The following BAIAP2L1 variants were observed in gnomAD, a reference collection of about 807,000 sequenced individuals.
BAIAP2L1 encodes the protein BAR/IMD domain-containing adapter protein 2-like 1.
Under a neutral mutation model 66.3 loss-of-function variants are expected in BAIAP2L1, and 35 were observed. That is an observed-to-expected ratio of 0.53 (90% CI 0.40 to 0.70). The LOEUF is 0.70. Among genes scored for constraint, BAIAP2L1 ranks in the 30% least tolerant of loss-of-function variants. BAIAP2L1 has a pLI of 0.00. For synonymous variants in BAIAP2L1, 269 were observed against 248.7 expected (o/e 1.08, Z -0.77); for missense variants, 622 against 656.9 (o/e 0.95, Z 0.58).
At chr7:98,316,886 T>TG (rs927758595) in intron 6 of BAIAP2L1, among the ~76,000 whole-genome samples, 9 of 151,660 alleles carry the variant, frequency 5.9e-5, no homozygotes, top group Non-Finnish European at 1.3e-4. Context: ...TTTTTTGAGA[T>TG]GGAGTCTCAT....
intron 1 of BAIAP2L1, among the ~76,000 whole-genome samples, chr7:98,392,326 A>G (rs1024695930): frequency 2.0e-5 from 3 of 152,050 alleles, no homozygotes; most frequent in Non-Finnish European, 4.4e-5. Flanking sequence ...GCCTGGGCGA[A>G]CAAGAGTGAA....
intron 1 of BAIAP2L1, among the ~76,000 whole-genome samples, chr7:98,381,648 ATAT>A (rs1255459830): frequency 2.0e-5 from 3 of 152,200 alleles, no homozygotes; most frequent in African/African-American, 7.2e-5. Flanking sequence ...TTCTTCTGAT[ATAT>A]TACTAGACGC....
At chr7:98,312,664 C>G (rs760573403) in intron 7 of BAIAP2L1, among the ~76,000 whole-genome samples, 1 of 152,210 alleles carries the variant, frequency 6.6e-6, no homozygotes, top group African/African-American at 2.4e-5. Flanking sequence ...ACCTCCAACA[C>G]AGGCCACGGG....
Position 98,293,461 on chromosome 7 carries a change from T to G in BAIAP2L1, c.*60A>C. 2 of 1,488,346 alleles carry G rather than the reference T, an allele frequency of 1.3e-6. No homozygotes were observed. Among genetic ancestry groups the G allele is most frequent in the Non-Finnish European group, 1.9e-6 (2 of 1,068,146 alleles). The allele number at this position is 1,488,346 out of a possible 1,614,324, so 92.2% of individuals were successfully genotyped here. ...GACCGTCAGCACGTGGCAGACAGGA[T>G]GCGCCCATCATTCCGCAAGGGAGAA... is the stretch of plus-strand genomic sequence containing the variant. On this transcript the variant is annotated 3_prime_UTR_variant, in exon 14 of 14. Transcript: ENST00000005260.
intron 2 of BAIAP2L1, 64 bp downstream of exon 2, chr7:98,362,293 T>C: frequency 7.8e-7 from 1 of 1,283,756 alleles, no homozygotes; most frequent in Non-Finnish European, 1.1e-6. Flanking sequence ...TACTAAGCAT[T>C]TAAAAATAAT....
At chr7:98,299,911 T>G (rs770449955) in intron 12 of BAIAP2L1, among the ~76,000 whole-genome samples, 15 of 151,996 alleles carry the variant, frequency 9.9e-5, no homozygotes, top group Non-Finnish European at 1.9e-4. Flanking sequence ...TGTGGTGGCA[T>G]GCACCTGTAG....
Position 98,300,040 on chromosome 7 carries a change from CATAA to C in BAIAP2L1, c.1422+4152_1422+4155del, listed in dbSNP as rs771925010. Reference sequence around the variant, plus strand: ...TGGGCGACAGAGCAAGACTCCGTCTCATAAATAAATAAATAAACAAACAAACAAA... The same window carrying C: ...TGGGCGACAGAGCAAGACTCCGTCTCATAAATAAATAAACAAACAAACAAA... On this transcript the variant is annotated intron_variant, in intron 12 of 13. Coordinates refer to ENST00000005260, the MANE Select transcript of BAIAP2L1 (RefSeq NM_018842.5). 4.9e-4 allele frequency among the ~76,000 whole-genome samples: 75 copies of C among 152,256 alleles called. 1 individual carries two copies. In the Middle Eastern group the frequency reaches 0.014, roughly 28 times the overall value.
At chr7:98,350,571 A>C (rs1177654878) in intron 3 of BAIAP2L1, among the ~76,000 whole-genome samples, 3 of 152,230 alleles carry the variant, frequency 2.0e-5, no homozygotes, top group Non-Finnish European at 4.4e-5. Flanking sequence ...AGGCAGGAGA[A>C]TTGCTTGAAG....
At chr7:98,334,502 C>T (rs1801568047) in intron 3 of BAIAP2L1, among the ~76,000 whole-genome samples, 1 of 152,030 alleles carries the variant, frequency 6.6e-6, no homozygotes. Context: ...AACATACAAA[C>T]CCAGAATCTG....
At chr7:98,390,930 C>T (rs933707077) in intron 1 of BAIAP2L1, among the ~76,000 whole-genome samples, 9 of 151,758 alleles carry the variant, frequency 5.9e-5, no homozygotes, top group African/African-American at 1.9e-4. Flanking sequence ...TTTGCCTCCC[C>T]GGTTCAAGCG....
intron 2 of BAIAP2L1, among the ~76,000 whole-genome samples, chr7:98,359,280 T>C (rs1298313903): frequency 6.6e-6 from 1 of 151,236 alleles, no homozygotes; most frequent in Non-Finnish European, 1.5e-5. Context: ...TGTCTTTTTT[T>C]TTTTTTTTTT....
At chr7:98,308,381 G>T (rs1278988108) in intron 9 of BAIAP2L1, 1 of 429,968 alleles carries the variant, frequency 2.3e-6, no homozygotes, top group East Asian at 7.1e-5. Context: ...TCACCCCCAG[G>T]CCTAAGAAGG....
At chr7:98,365,896 C>G (rs1028767894) in intron 1 of BAIAP2L1, among the ~76,000 whole-genome samples, 7 of 152,162 alleles carry the variant, frequency 4.6e-5, no homozygotes, top group Non-Finnish European at 1.0e-4. Context: ...CTCCTGATTA[C>G]CTTTCACTGT....
rs1463937050 is a variant in BAIAP2L1 at position 98,353,501 on chromosome 7, TTTATA to T, written c.214+1536_214+1540del. Among the ~76,000 whole-genome samples, 244 of 131,824 alleles carry T rather than the reference TTTATA, an allele frequency of 1.9e-3. 3 individuals are homozygous for T. The Middle Eastern group carries it at 0.026, about 14-fold the overall frequency. The allele number at this position is 131,824 out of a possible 152,430, so 86.5% of individuals were successfully genotyped here. A position where few individuals can be genotyped will look rare whatever the true frequency, so the allele number is the denominator to read the frequency against. ...TATTTACATTATAAATACACATATA[TTTATA>T]TTATAAATACACATATATTTATAAA... On this transcript the variant is annotated intron_variant, in intron 3 of 13. Transcript: ENST00000005260.
chr7:98,381,915 T>TA (rs1340632759), intron 1 of BAIAP2L1, among the ~76,000 whole-genome samples: 4 of 135,604 alleles, frequency 2.9e-5, no homozygotes, highest in African/African-American at 1.1e-4. Context: ...CACATTAGGG[T>TA]AAAAATCTAA....
intron 3 of BAIAP2L1, among the ~76,000 whole-genome samples, chr7:98,344,438 C>T (rs776495768): frequency 1.2e-4 from 19 of 152,174 alleles, no homozygotes; most frequent in Non-Finnish European, 2.6e-4. Context: ...AGCAAGGACA[C>T]ATTTTCTGAA....
At position 98,292,065 on chromosome 7, in the gene BAIAP2L1, G is replaced by C. The variant is rs1340373135; in HGVS notation, c.*1456C>G. 6.5e-6 allele frequency: 1 copy of C among 153,552 alleles called. No individual in the cohort carries two copies. The highest frequency in any genetic ancestry group is 6.5e-5 in the Admixed American group (1 of 15,408). The allele number at this position is 153,552 out of a possible 1,614,324, so 9.5% of individuals were successfully genotyped here. ...CAGCCCCTTCATGGTGGGGGTGCCT[G>C]GTTTGTCCTCCCAGGAGAAGCAGAT... is the stretch of plus-strand genomic sequence containing the variant. On this transcript the variant is annotated 3_prime_UTR_variant, in exon 14 of 14. Coordinates refer to ENST00000005260, the MANE Select transcript of BAIAP2L1 (RefSeq NM_018842.5).
At chr7:98,301,212 A>G (rs2116822753) in intron 12 of BAIAP2L1, among the ~76,000 whole-genome samples, 1 of 152,270 alleles carries the variant, frequency 6.6e-6, no homozygotes, top group East Asian at 1.9e-4. Context: ...CTCAGCTGCC[A>G]TCAGTGATAA....
intron 3 of BAIAP2L1, among the ~76,000 whole-genome samples, chr7:98,343,264 C>G (rs1801788838): frequency 6.7e-6 from 1 of 150,002 alleles, no homozygotes; most frequent in East Asian, 2.0e-4. Context: ...CACACACACA[C>G]ACACACACAC....
Sources: gnomAD v4.1 joint callset for allele counts (sites outside exome capture counted in the v4.1 genomes callset) on GRCh38, gnomAD v4.1.1 for gene constraint, MANE v1.5 for transcripts, NCBI Gene and HGNC (gene_info 2026-07-23, HGNC 2026-07-21) for gene names.